Variants in BTBD8 observed in about 807,000 individuals in gnomAD.
The protein encoded by BTBD8 is BTB/POZ domain-containing protein 8.
BTBD8 carries 110 observed loss-of-function variants against 162.9 expected under a neutral mutation model. The ratio of observed to expected loss-of-function variants is 0.68; its 90% CI spans 0.58 to 0.79. The LOEUF (loss-of-function observed/expected upper bound fraction) is 0.79, where lower values mean the gene tolerates loss of function less well. BTBD8 is among the 30% of genes least tolerant of loss of function. BTBD8 has a pLI of 0.00. For synonymous variants in BTBD8, 667 were observed against 716.1 expected (o/e 0.93, Z 1.10); for missense variants, 1,905 against 2,085.4 (o/e 0.91, Z 1.68).
At chr1:92,166,678 G>A (rs1650395094) in intron 9 of BTBD8, among the ~76,000 whole-genome samples, 1 of 151,988 alleles carries the variant, frequency 6.6e-6, no homozygotes, top group Admixed American at 6.6e-5. Flanking sequence ...ACCCGCCTCA[G>A]CCTCCCAAAG....
chr1:92,172,169 C>G (rs1179183511), intron 13 of BTBD8, among the ~76,000 whole-genome samples: 1 of 152,060 alleles, frequency 6.6e-6, no homozygotes, highest in Non-Finnish European at 1.5e-5. Context: ...AAGAGTACAA[C>G]TGTGTTTTAC....
At chr1:92,133,617 A>G (rs1649562830) in intron 5 of BTBD8, among the ~76,000 whole-genome samples, 1 of 152,218 alleles carries the variant, frequency 6.6e-6, no homozygotes, top group Admixed American at 6.5e-5. Flanking sequence ...TGAGAACATA[A>G]TGCACATAGT....
rs1291214241 is a variant in BTBD8, at chr1:92,176,922, A to G, written c.1729A>G (p.Lys577Glu). 3 of 1,538,582 alleles carry G rather than the reference A, an allele frequency of 1.9e-6. No homozygotes were observed. Among genetic ancestry groups the G allele is most frequent in the Non-Finnish European group, 2.6e-6 (3 of 1,141,468 alleles). The change falls in exon 14 of 18, where the codon AAA becomes GAA. Residue 577 changes from lysine to glutamate, a missense_variant. Around this residue, in one of 3 missense-constraint regions of BTBD8, gnomAD observed 1,374 missense variants for 1,442.7 expected, o/e 0.95. Transcript: ENST00000636805. ...KECWSYLSTN[K>E]KMKSDGLGAS... ...GTGTTGGAGTTATCTCTCTACTAAT[A>G]AAAAGATGAAATCTGATGGATTAGG... is the stretch of plus-strand genomic sequence containing the variant.
intron 9 of BTBD8, 193 bp downstream of exon 9, chr1:92,147,979 T>C (rs1302580006): frequency 7.0e-6 from 4 of 570,948 alleles, no homozygotes; most frequent in Non-Finnish European, 1.2e-5. Flanking sequence ...TCAGTCAGGG[T>C]TGAAACAGAG....
chr1:92,129,859 T>C (rs1241761459), intron 5 of BTBD8, 83 bp downstream of exon 5: 41 of 1,147,668 alleles, frequency 3.6e-5, no homozygotes, highest in Admixed American at 1.1e-4. Flanking sequence ...GAATCTGATT[T>C]CCCTGGATGT....
At chr1:92,080,839 A>G (rs958693150) in intron 1 of BTBD8, 119 bp downstream of exon 1, 3 of 1,461,954 alleles carry the variant, frequency 2.1e-6, no homozygotes, top group African/African-American at 2.9e-5. Context: ...TCCTCGCCTC[A>G]GGCGACTGCG....
At chr1:92,115,346 G>A in intron 4 of BTBD8, 1 of 451,800 alleles carries the variant, frequency 2.2e-6, no homozygotes, top group South Asian at 1.8e-5. Flanking sequence ...CTAAGCAGTT[G>A]GTGGTACAGG....
At chr1:92,151,746 A>G (rs1025178855) in intron 9 of BTBD8, among the ~76,000 whole-genome samples, 1 of 152,058 alleles carries the variant, frequency 6.6e-6, no homozygotes, top group Non-Finnish European at 1.5e-5. Flanking sequence ...TTCACTGTGT[A>G]TGTTTTTGCA....
At chr1:92,171,162 T>C (rs1304348281) in intron 12 of BTBD8, among the ~76,000 whole-genome samples, 3 of 152,070 alleles carry the variant, frequency 2.0e-5, no homozygotes, top group Admixed American at 2.0e-4. Context: ...ACAGTTCTTA[T>C]TTATTAATTT....
chr1:92,119,424 C>G (rs907564576), intron 4 of BTBD8, among the ~76,000 whole-genome samples: 12 of 147,864 alleles, frequency 8.1e-5, no homozygotes, highest in Admixed American at 4.0e-4. Context: ...TAGCTGGGAC[C>G]ACAGGTGCAC....
chr1:92,176,132 G>T lies in BTBD8; in HGVS notation c.1636-697G>T, dbSNP rs115668337. Among the ~76,000 whole-genome samples, 1,330 of 152,200 alleles carry T rather than the reference G, an allele frequency of 8.7e-3. 8 individuals are homozygous for T. Among genetic ancestry groups the T allele is most frequent in the Non-Finnish European group, 0.015 (988 of 68,010 alleles). On this transcript the variant is annotated intron_variant, in intron 13 of 17. Transcript: ENST00000636805. ...TTAAAAAAAAATTTTTTTAAATAAG[G>T]ACTCCAAGAAGTAAAGGATTCTTCC...
At chr1:92,163,336 CAGAG>C (rs369401929) in intron 9 of BTBD8, among the ~76,000 whole-genome samples, 66,858 of 105,788 alleles carry the variant, frequency 0.63, 21,113 homozygotes, top group East Asian at 0.96. Context: ...GCCTGGGCAA[CAGAG>C]AGAGATTCTG....
At chr1:92,121,955 A>G (rs1232075959) in intron 4 of BTBD8, among the ~76,000 whole-genome samples, 1 of 151,162 alleles carries the variant, frequency 6.6e-6, no homozygotes, top group African/African-American at 2.4e-5. Context: ...ACAGGCACAC[A>G]CTACTACTCT....
intron 5 of BTBD8, among the ~76,000 whole-genome samples, chr1:92,138,695 T>C (rs1649691350): frequency 6.6e-6 from 1 of 152,198 alleles, no homozygotes; most frequent in Admixed American, 6.5e-5. Context: ...GAATAGAGGC[T>C]GGGGTAAGAT....
chr1:92,123,792 A>G (rs917608987), intron 4 of BTBD8, among the ~76,000 whole-genome samples: 5 of 151,292 alleles, frequency 3.3e-5, no homozygotes, highest in South Asian at 4.2e-4. Context: ...AAAAAAAAAA[A>G]AAAAGAAAAT....
chr1:92,146,405 G>A (rs191984624), intron 7 of BTBD8, among the ~76,000 whole-genome samples: 117 of 152,164 alleles, frequency 7.7e-4, no homozygotes, highest in Non-Finnish European at 1.3e-3. Flanking sequence ...CATTATCAAC[G>A]TCCCACACTG....
intron 17 of BTBD8, among the ~76,000 whole-genome samples, chr1:92,183,042 A>C (rs1212771198): frequency 6.6e-6 from 1 of 152,100 alleles, no homozygotes; most frequent in Non-Finnish European, 1.5e-5. Context: ...TAACAACTAG[A>C]TTGATTATTA....
At position 92,184,051 on chromosome 1, in the gene BTBD8, A is replaced by G; in HGVS notation, c.5100A>G (p.Leu1700=). The change falls in exon 18 of 18, where the codon CTA becomes CTG. Residue 1700 remains leucine (L), a synonymous_variant. Coordinates refer to ENST00000636805, the MANE Select transcript of BTBD8 (RefSeq NM_001376131.1). Reference sequence around the variant, plus strand: ...ATTTTGCAAAACAAGATTGGACACTACTAAAGCAACTGCTCTCTGAACAGG... The same window carrying G: ...ATTTTGCAAAACAAGATTGGACACTGCTAAAGCAACTGCTCTCTGAACAGG... The part of the protein sequence containing the change: ...DQHFAKQDWT[L]LKQLLSEQDS... 6.4e-7 allele frequency: 1 copy of G among 1,551,692 alleles called. No individual in the cohort carries two copies. Among genetic ancestry groups the G allele is most frequent in the Non-Finnish European group, 8.7e-7 (1 of 1,146,916 alleles).
chr1:92,184,001 G>A lies in BTBD8; in HGVS notation c.5050G>A (p.Asp1684Asn). The change falls in exon 18 of 18, where the codon GAT becomes AAT. Residue 1684 changes from aspartate to asparagine, a missense_variant. Physicochemically the swap from Asp to Asn is conservative, Grantham distance 23 (BLOSUM62 1). This residue lies in a region of BTBD8 where 517 missense variants were observed against 606.6 expected (regional missense o/e 0.85). Transcript: ENST00000636805. ...AGTGGAATCAGAAACACATGTTACA[G>A]ATATGGATTTTGAAGATGACCAACA... ...QKVESETHVT[D>N]MDFEDDQHFA... 1 of 1,551,542 alleles carries A rather than the reference G, an allele frequency of 6.4e-7. No individual in the cohort carries two copies. The highest frequency in any genetic ancestry group is 2.4e-5 in the East Asian group (1 of 40,914).
Sources: allele counts gnomAD v4.1 joint callset (sites outside exome capture counted in the v4.1 genomes callset), GRCh38; gene constraint gnomAD v4.1.1; regional missense constraint gnomAD v4.1.1; transcripts MANE v1.5; gene names NCBI Gene and HGNC (gene_info 2026-07-23, HGNC 2026-07-21).